The following SLC24A4 variants were observed in gnomAD, a reference collection of about 807,000 sequenced individuals.
SLC24A4 encodes the protein solute carrier family 24 member 4.
SLC24A4 carries 53 observed loss-of-function variants against 79.0 expected under a neutral mutation model. The ratio of observed to expected loss-of-function variants is 0.67; its 90% CI spans 0.54 to 0.84. The LOEUF is 0.84. SLC24A4 is among the 40% of genes least tolerant of loss of function. The pLI is 0.00. For synonymous variants in SLC24A4, 323 were observed against 323.8 expected (o/e 1.00, Z 0.03); for missense variants, 731 against 822.0 (o/e 0.89, Z 1.35).
intron 2 of SLC24A4, among the ~76,000 whole-genome samples, chr14:92,377,724 C>T (rs1888598925): frequency 6.6e-6 from 1 of 151,826 alleles, no homozygotes; most frequent in African/African-American, 2.4e-5. Flanking sequence ...TCTGAATGTG[C>T]CAGTGGGCTA....
chr14:92,439,304 C>T (rs146776635), intron 3 of SLC24A4, 31 bp from the exon 4 acceptor site: 158 of 1,595,158 alleles, frequency 9.9e-5, no homozygotes, highest in African/African-American at 9.0e-4. Flanking sequence ...GGACCCTCAC[C>T]GACCCTGCCT....
At chr14:92,465,533 C>T (rs533810002) in intron 12 of SLC24A4, among the ~76,000 whole-genome samples, 70 of 152,236 alleles carry the variant, frequency 4.6e-4, no homozygotes, top group African/African-American at 1.6e-3. Flanking sequence ...GCCAGTGGTC[C>T]CTGGAATGGG....
chr14:92,496,179 A>T lies in SLC24A4; in HGVS notation c.*2551A>T, dbSNP rs1274791658. ...ATATGTAATATGCTCCTCTTGGCTA[A>T]TTTTCTTTTGACTTTAATGTGCCAA... On this transcript the variant is annotated 3_prime_UTR_variant, in exon 17 of 17. Transcript: ENST00000532405. 1.3e-5 allele frequency: 2 copies of T among 152,624 alleles called. No homozygotes were observed. The allele number at this position is 152,624 out of a possible 1,614,324, so 9.5% of individuals were successfully genotyped here.
intron 14 of SLC24A4, among the ~76,000 whole-genome samples, chr14:92,489,053 T>A (rs992022867): frequency 6.6e-6 from 1 of 152,050 alleles, no homozygotes; most frequent in Admixed American, 6.6e-5. Flanking sequence ...GTACAGAAAC[T>A]GAGGAAGGGT....
chr14:92,455,676 C>T (rs58707282), intron 11 of SLC24A4, among the ~76,000 whole-genome samples: 2,566 of 152,058 alleles, frequency 0.017, 78 homozygotes, highest in African/African-American at 0.059. Flanking sequence ...TGTTATACAT[C>T]TTGATGTAAA....
chr14:92,383,162 C>T (rs1030334311), intron 2 of SLC24A4, among the ~76,000 whole-genome samples: 3 of 152,164 alleles, frequency 2.0e-5, no homozygotes, highest in Non-Finnish European at 2.9e-5. Flanking sequence ...CTCACAGTCA[C>T]GTCTAAAGAC....
At position 92,343,643 on chromosome 14, in the gene SLC24A4, TCTTTCCTTCTTTCCTTCCTTCC is replaced by T. The variant is rs1886327448; in HGVS notation, c.241+17666_241+17687del. Among the ~76,000 whole-genome samples, 56 of 112,246 alleles carry T rather than the reference TCTTTCCTTCTTTCCTTCCTTCC, an allele frequency of 5.0e-4. 2 individuals carry two copies. The highest frequency in any genetic ancestry group is 1.7e-3 in the African/African-American group (50 of 30,152). 73.6% of individuals were successfully genotyped at this position (112,246 alleles called of 152,430 possible). On this transcript the variant is annotated intron_variant, in intron 2 of 16. Transcript: ENST00000532405. ...TTCTTTCTTTCTTTCTTTCTTTCTC[TCTTTCCTTCTTTCCTTCCTTCC>T]TTCCTTCCTTCCTTCCTTCCTTCCT...
Position 92,441,939 on chromosome 14 carries a change from G to A in SLC24A4, c.394-150G>A. 1.8e-6 allele frequency: 1 copy of A among 551,990 alleles called. No individual in the cohort carries two copies. The highest frequency in any genetic ancestry group is 3.3e-6 in the Non-Finnish European group (1 of 305,900). 34.2% of individuals were successfully genotyped at this position (551,990 alleles called of 1,614,324 possible). A position where few individuals can be genotyped will look rare whatever the true frequency, so the allele number is the denominator to read the frequency against. ...GAGGGCAGATGGCAGAGGGCACACA[G>A]CATGTGCCCAGGGGTGAGAGGCTGC... On this transcript the variant is annotated intron_variant, in intron 4 of 16. Coordinates refer to ENST00000532405, the MANE Select transcript of SLC24A4 (RefSeq NM_153646.4). This position sits in a 1 kb window ranked among gnomAD's most constrained non-coding sequence, Gnocchi z 4.6.
At chr14:92,416,869 G>C (rs928445278) in intron 2 of SLC24A4, among the ~76,000 whole-genome samples, 1 of 152,160 alleles carries the variant, frequency 6.6e-6, no homozygotes, top group African/African-American at 2.4e-5. Context: ...CTTGTTCTGA[G>C]ATTTGAGGAA....
intron 2 of SLC24A4, among the ~76,000 whole-genome samples, chr14:92,410,561 T>C (rs1344291876): frequency 6.6e-6 from 1 of 152,176 alleles, no homozygotes; most frequent in Admixed American, 6.5e-5. Flanking sequence ...TTTGGTATCA[T>C]TGATCACATG....
At chr14:92,383,646 G>A (rs1888976671) in intron 2 of SLC24A4, among the ~76,000 whole-genome samples, 1 of 152,162 alleles carries the variant, frequency 6.6e-6, no homozygotes, top group South Asian at 2.1e-4. Context: ...CTTGCTGAGG[G>A]CAGAGAGAGA....
chr14:92,374,341 C>T (rs376123361), intron 2 of SLC24A4, among the ~76,000 whole-genome samples: 40 of 152,334 alleles, frequency 2.6e-4, no homozygotes, highest in African/African-American at 9.4e-4. Context: ...GTCCCTAGGT[C>T]CTCCAGGCAG....
intron 14 of SLC24A4, among the ~76,000 whole-genome samples, chr14:92,489,783 T>A (rs898590993): frequency 2.6e-5 from 4 of 152,106 alleles, no homozygotes; most frequent in Non-Finnish European, 4.4e-5. Flanking sequence ...GAGCGGGAAG[T>A]CCACCAAACC....
chr14:92,352,775 G>T (rs1411570581), intron 2 of SLC24A4, among the ~76,000 whole-genome samples: 1 of 152,166 alleles, frequency 6.6e-6, no homozygotes, highest in Non-Finnish European at 1.5e-5. Context: ...GAGTTGCAGG[G>T]GTACTTATAT....
chr14:92,340,970 C>T (rs904489398), intron 2 of SLC24A4, among the ~76,000 whole-genome samples: 14 of 152,184 alleles, frequency 9.2e-5, no homozygotes, highest in East Asian at 3.9e-4. Context: ...AGGGAAGAGT[C>T]GGGGCCTTTC....
intron 2 of SLC24A4, among the ~76,000 whole-genome samples, chr14:92,362,619 G>C (rs1486037054): frequency 6.6e-6 from 1 of 152,150 alleles, no homozygotes; most frequent in Non-Finnish European, 1.5e-5. Flanking sequence ...GAGCTGCCGG[G>C]GGATGGACAT....
chr14:92,456,371 C>T (rs1480729434), intron 11 of SLC24A4, 33 bp from the exon 12 acceptor site: 21 of 1,611,330 alleles, frequency 1.3e-5, no homozygotes, highest in Non-Finnish European at 1.6e-5. Context: ...TTATCACATG[C>T]CTTGGTGTCC....
intron 3 of SLC24A4, among the ~76,000 whole-genome samples, chr14:92,435,489 T>A (rs112206209): frequency 6.6e-6 from 1 of 152,236 alleles, no homozygotes; most frequent in Non-Finnish European, 1.5e-5. Context: ...AAAGGTTTGC[T>A]GACTCTATTG....
At chr14:92,331,479 C>T (rs1885475478) in intron 2 of SLC24A4, among the ~76,000 whole-genome samples, 1 of 152,120 alleles carries the variant, frequency 6.6e-6, no homozygotes, top group Admixed American at 6.5e-5. Context: ...GACAGGGTTT[C>T]ACCATGTTAC....
Sources: allele counts gnomAD v4.1 joint callset (sites outside exome capture counted in the v4.1 genomes callset), GRCh38; gene constraint gnomAD v4.1.1; non-coding constraint Gnocchi (gnomAD v3.1); transcripts MANE v1.5; gene names NCBI Gene and HGNC (gene_info 2026-07-23, HGNC 2026-07-21).